Variants in KCNG3 observed in about 807,000 individuals in gnomAD.
KCNG3 encodes potassium voltage-gated channel modifier subfamily G member 3, also known as voltage-gated potassium channel regulatory subunit KCNG3.
Under a neutral mutation model 29.0 loss-of-function variants are expected in KCNG3, and 15 were observed. The observed-to-expected ratio is 0.52, with a 90% CI of 0.35 to 0.80. KCNG3 has a LOEUF of 0.80. Ranked by LOEUF, KCNG3 falls within the 30% of genes least tolerant of loss-of-function variation. The pLI, the probability that KCNG3 is intolerant of heterozygous loss-of-function variation, is 0.01. For synonymous variants in KCNG3, 322 were observed against 248.9 expected (o/e 1.29, Z -2.76); for missense variants, 512 against 605.7 (o/e 0.85, Z 1.62).
chr2:42,484,546 T>C (rs547299339), intron 1 of KCNG3, among the ~76,000 whole-genome samples: 2 of 151,954 alleles, frequency 1.3e-5, no homozygotes, highest in Admixed American at 6.6e-5. Flanking sequence ...ATGTATGTGT[T>C]TGTGTGTGTG....
At chr2:42,408,217 G>A in the KCNG3 span, among the ~76,000 whole-genome samples, 1 of 152,144 alleles carries the variant, frequency 6.6e-6, no homozygotes. Context: ...AGCAGCGGGA[G>A]GCAAGACAGG....
chr2:42,492,995 G>A lies in KCNG3; in HGVS notation c.507C>T (p.Ala169=), dbSNP rs1345036026. 2 of 1,535,630 alleles carry A rather than the reference G, an allele frequency of 1.3e-6. No individual in the cohort carries two copies. Among genetic ancestry groups the A allele is most frequent in the Non-Finnish European group, 1.7e-6 (2 of 1,144,866 alleles). ...RTFEEPTSSL[A]AQILASVSVV... ...CCGACACGCTAGCCAGGATCTGCGC[G>A]GCCAGCGACGACGTGGGCTCCTCGA... is the stretch of plus-strand genomic sequence containing the variant. Residue 169 remains alanine, a synonymous_variant, in exon 1 of 2, where the codon GCC becomes GCT. Transcript: ENST00000306078.
the KCNG3 span, among the ~76,000 whole-genome samples, chr2:42,408,969 T>C: frequency 2.0e-5 from 3 of 152,128 alleles, no homozygotes; most frequent in Non-Finnish European, 4.4e-5. Flanking sequence ...TGGAATCTGC[T>C]TGTGGTGGTA....
chr2:42,436,602 T>A, the KCNG3 span, among the ~76,000 whole-genome samples: 2 of 152,226 alleles, frequency 1.3e-5, no homozygotes, highest in Non-Finnish European at 2.9e-5. Context: ...GGTGAAGACA[T>A]GCTTAACACT....
chr2:42,449,217 T>C (rs1186480508), intron 1 of KCNG3, among the ~76,000 whole-genome samples: 1 of 152,172 alleles, frequency 6.6e-6, no homozygotes, highest in Non-Finnish European at 1.5e-5. Flanking sequence ...TCGTAAGCAC[T>C]TGCTCCTCCA....
intron 1 of KCNG3, among the ~76,000 whole-genome samples, chr2:42,487,921 T>G (rs771925575): frequency 3.9e-5 from 6 of 152,222 alleles, no homozygotes; most frequent in Non-Finnish European, 7.3e-5. Context: ...CAGGGAGCTC[T>G]TGGACTCACA....
In KCNG3 at chr2:42,444,405, T is replaced by G; in HGVS notation, c.840A>C (p.Gln280His). ...LMTVFTGENS[Q>H]LQRAGVTLRV... The stretch of plus-strand genomic sequence containing the variant: ...TCAAGGTGACTCCAGCCCTCTGGAG[T>G]TGAGAGTTCTCGCCTGTAAACACTG... Residue 280 changes from glutamine (Q) to histidine (H), a missense_variant, in exon 2 of 2, where the codon CAA (glutamine) becomes CAC (histidine). Around this residue, in one of 5 missense-constraint regions of KCNG3, gnomAD observed 173 missense variants for 262.4 expected, o/e 0.66. Transcript: ENST00000306078. The surrounding 1 kb of genome is among the most constrained non-coding windows in gnomAD (Gnocchi z 5.8). 1 of 1,613,964 alleles carries G rather than the reference T, an allele frequency of 6.2e-7. No homozygotes were observed. Among genetic ancestry groups the G allele is most frequent in the Non-Finnish European group, 8.5e-7 (1 of 1,179,994 alleles).
At chr2:42,453,744 T>G (rs1240138074) in intron 1 of KCNG3, among the ~76,000 whole-genome samples, 1 of 152,190 alleles carries the variant, frequency 6.6e-6, no homozygotes, top group Non-Finnish European at 1.5e-5. Flanking sequence ...TTGCTTTGGT[T>G]GCCTATGCTG....
chr2:42,396,528 G>T, the KCNG3 span, among the ~76,000 whole-genome samples: 1 of 152,142 alleles, frequency 6.6e-6, no homozygotes, highest in South Asian at 2.1e-4. Context: ...AATTCCACCA[G>T]AAGAAAAGTA....
At chr2:42,451,329 G>C (rs1672749219) in intron 1 of KCNG3, among the ~76,000 whole-genome samples, 1 of 151,644 alleles carries the variant, frequency 6.6e-6, no homozygotes, top group Non-Finnish European at 1.5e-5. Context: ...TGTAATCTCA[G>C]CACTTTGGGA....
At chr2:42,463,893 A>G in intron 1 of KCNG3, 2 of 302,132 alleles carry the variant, frequency 6.6e-6, no homozygotes, top group Non-Finnish European at 1.3e-5. Flanking sequence ...ATCCCTTCTC[A>G]GATTTTGTTT....
chr2:42,440,108 C>T (rs1324687861), downstream of KCNG3, among the ~76,000 whole-genome samples: 3 of 152,148 alleles, frequency 2.0e-5, no homozygotes, highest in Non-Finnish European at 2.9e-5. Context: ...GAGCAGAGTT[C>T]CCTGGTTGCT....
chr2:42,423,579 T>C, the KCNG3 span, among the ~76,000 whole-genome samples: 1 of 152,226 alleles, frequency 6.6e-6, no homozygotes, highest in Non-Finnish European at 1.5e-5. Flanking sequence ...GTCAAGGGTC[T>C]GTCTCCCTGA....
chr2:42,404,482 C>G, the KCNG3 span, among the ~76,000 whole-genome samples: 3 of 152,166 alleles, frequency 2.0e-5, no homozygotes, highest in African/African-American at 7.2e-5. Flanking sequence ...AATCCCAGCA[C>G]TTTGGGAGGC....
At chr2:42,389,012 G>A in the KCNG3 span, among the ~76,000 whole-genome samples, 33 of 152,216 alleles carry the variant, frequency 2.2e-4, no homozygotes, top group South Asian at 3.3e-3. Flanking sequence ...CTATCTCCCA[G>A]GTTCACGCGA....
Position 42,471,959 on chromosome 2 carries a change from G to C in KCNG3, c.665+20878C>G, listed in dbSNP as rs367887163. ...TTCATATCTACCAGATTAGCAAAGT[G>C]TTAAAGTCTGACAACATGTAGAAAT... On this transcript the variant is annotated intron_variant, in intron 1 of 1. Coordinates refer to ENST00000306078, the MANE Select transcript of KCNG3 (RefSeq NM_133329.6). Among the ~76,000 whole-genome samples, 71 of 151,808 alleles carry C rather than the reference G, an allele frequency of 4.7e-4. 2 individuals carry two copies. The South Asian group carries it at 0.014, about 31-fold the overall frequency.
intron 1 of KCNG3, among the ~76,000 whole-genome samples, chr2:42,455,392 T>C (rs1203372576): frequency 1.3e-5 from 2 of 152,236 alleles, no homozygotes; most frequent in African/African-American, 4.8e-5. Context: ...TTGAACGAGA[T>C]TGTTCCTGTC....
the KCNG3 span, among the ~76,000 whole-genome samples, chr2:42,425,759 G>C: frequency 6.6e-6 from 1 of 152,104 alleles, no homozygotes; most frequent in Non-Finnish European, 1.5e-5. Flanking sequence ...GAATATGAAA[G>C]CGGGTCAAAG....
At chr2:42,441,815 T>C (rs1391288308), downstream of KCNG3, among the ~76,000 whole-genome samples, 3 of 10,200 alleles carry the variant, frequency 2.9e-4, no homozygotes, top group Admixed American at 1.3e-3. Flanking sequence ...TATATATACC[T>C]ATAGGTATAT....
Sources: gnomAD v4.1 joint callset for allele counts (sites outside exome capture counted in the v4.1 genomes callset) on GRCh38, gnomAD v4.1.1 for gene constraint, gnomAD v4.1.1 regional missense constraint, Gnocchi (gnomAD v3.1) non-coding constraint, MANE v1.5 for transcripts, NCBI Gene and HGNC (gene_info 2026-07-23, HGNC 2026-07-21) for gene names.